Variants in POLRMT observed in about 807,000 individuals in gnomAD.
POLRMT encodes the protein RNA polymerase mitochondrial.
Under a neutral mutation model 132.2 loss-of-function variants are expected in POLRMT, and 114 were observed. The ratio of observed to expected loss-of-function variants is 0.86; its 90% CI spans 0.74 to 1.01. The LOEUF (loss-of-function observed/expected upper bound fraction) is 1.01. POLRMT is among the 50% of genes least tolerant of loss of function. The probability of loss-of-function intolerance (pLI) is 0.00; values close to 1 mark genes in which losing one functional copy is unlikely to be tolerated. For missense variants in POLRMT, 2,003 were observed against 1,729.1 expected (o/e 1.16, Z -2.81); for synonymous variants, 1,020 against 773.4 (o/e 1.32, Z -5.29).
intron 10 of POLRMT, 120 bp downstream of exon 10, chr19:620,938 A>AGGGCGCC: frequency 4.9e-6 from 1 of 204,942 alleles, no homozygotes; most frequent in South Asian, 5.0e-5. Context: ...GCGCCAGGGG[A>AGGGCGCC]GGGGGAGGGG....
chr19:627,147 CAT>C (rs1491197179), intron 3 of POLRMT, among the ~76,000 whole-genome samples: 1 of 131,242 alleles, frequency 7.6e-6, no homozygotes, highest in Non-Finnish European at 1.6e-5. Flanking sequence ...AGTTTTGGGG[CAT>C]TTTTTTTTTT....
intron 9 of POLRMT, 113 bp from the exon 10 acceptor site, chr19:621,959 G>T: frequency 2.2e-6 from 3 of 1,340,880 alleles, no homozygotes; most frequent in Middle Eastern, 2.2e-4. Context: ...AACCAGTGTG[G>T]CCTCCCACGA....
rs1568372581 is a variant in POLRMT, at chr19:617,447, C to T, written c.3615G>A (p.Lys1205=). Residue 1205 remains lysine (K), a synonymous_variant, in exon 20 of 21, where the codon AAG becomes AAA. Transcript: ENST00000588649. The stretch of plus-strand genomic sequence containing the variant: ...GCTTGGGCACCGCCTGCAGTGTCTC[C>T]TTCAGCTGGCTGGCCTCCAAGATCT... ...PQKILEASQL[K]ETLQAVPKPG... is the part of the protein sequence containing the mutation. The T allele has an allele frequency of 1.2e-6, 2 of 1,611,516 alleles. No individual in the cohort carries two copies. The highest frequency in any genetic ancestry group is 1.7e-6 in the Non-Finnish European group (2 of 1,179,572).
At chr19:627,452 G>A (rs561864426) in intron 3 of POLRMT, among the ~76,000 whole-genome samples, 1 of 151,564 alleles carries the variant, frequency 6.6e-6, no homozygotes, top group South Asian at 2.1e-4. Flanking sequence ...GTGCCCGGCC[G>A]GTTTTGGGGC....
Position 622,612 on chromosome 19 carries a change from C to G in POLRMT, c.1596G>C (p.Lys532Asn), listed in dbSNP as rs1306460417. Residue 532 changes from lysine (K) to asparagine (N), a missense_variant, in exon 8 of 21, where the codon AAG becomes AAC. Transcript: ENST00000588649. Reference sequence around the variant, plus strand: ...CGTCGGAGGCCAGCAAGCAGAGGTACTTCCTGTAGTGGTTCTGCAGCGCCT... The same window carrying G: ...CGTCGGAGGCCAGCAAGCAGAGGTAGTTCCTGTAGTGGTTCTGCAGCGCCT... Reference protein sequence around the residue: ...QVQALQNHYRKYLCLLASDAE... With the variant: ...QVQALQNHYRNYLCLLASDAE... 1.9e-6 allele frequency: 3 copies of G among 1,606,958 alleles called. No homozygotes were observed. The highest frequency in any genetic ancestry group is 1.3e-5 in the African/African-American group (1 of 74,816).
At chr19:617,884 A>C in intron 17 of POLRMT, 35 bp from the exon 18 acceptor site, 1 of 1,600,446 alleles carries the variant, frequency 6.2e-7, no homozygotes, top group Non-Finnish European at 8.6e-7. Context: ...AAGGGAGGGG[A>C]GCTCACAGGG....
At position 619,631 on chromosome 19, in the gene POLRMT, G is replaced by T. The variant is rs772467131; in HGVS notation, c.3021C>A (p.Arg1007=). 6.2e-7 allele frequency: 1 copy of T among 1,610,690 alleles called. No individual in the cohort carries two copies. The highest frequency in any genetic ancestry group is 8.5e-7 in the Non-Finnish European group (1 of 1,179,654). ...CCCGGAGGCGCTTCTCAATCTGCAGGCGCCCGCCATAGCGCGTGACCCCGT... is the reference window on the plus strand; with the variant it reads ...CCCGGAGGCGCTTCTCAATCTGCAGTCGCCCGCCATAGCGCGTGACCCCGT... ...VVYGVTRYGG[R]LQIEKRLREL... is the part of the protein sequence containing the mutation. The change falls in exon 13 of 21, where the codon CGC becomes CGA. Residue 1007 remains arginine, a synonymous_variant. Transcript: ENST00000588649.
chr19:633,499 C>G lies in POLRMT; in HGVS notation c.14G>C (p.Cys5Ser). ...GAGCCCCGCCGCTCCGCGGCCCCAG[C>G]AAAGTGCCGACATTACGCACGCCGC... is the stretch of plus-strand genomic sequence containing the variant. MSAL[C>S]WGRGAAGLKR... Residue 5 changes from cysteine to serine, a missense_variant, in exon 1 of 21, where the codon TGC (cysteine) becomes TCC (serine). Cys to Ser is a moderately radical substitution (Grantham distance 112, BLOSUM62 -1). Coordinates refer to ENST00000588649, the MANE Select transcript of POLRMT (RefSeq NM_005035.4). The G allele has an allele frequency of 6.4e-7, 1 of 1,551,764 alleles. No individual in the cohort carries two copies. Among genetic ancestry groups the G allele is most frequent in the Non-Finnish European group, 8.7e-7 (1 of 1,152,602 alleles).
rs1568373241 is a variant in POLRMT at position 617,804 on chromosome 19, G to GT, written c.3467dup (p.His1156GlnfsTer4). On this transcript the variant is annotated frameshift_variant, in exon 18 of 21. Coordinates refer to ENST00000588649, the MANE Select transcript of POLRMT (RefSeq NM_005035.4). LOFTEE classifies it high-confidence loss of function. ...GGTTCATGACGGAGACATCAGCTGC[G>GT]TGAGTCCAGTAACAGTCGTGCACAG... The GT allele has an allele frequency of 6.2e-7, 1 of 1,613,238 alleles. No individual in the cohort carries two copies. Among genetic ancestry groups the GT allele is most frequent in the Non-Finnish European group, 8.5e-7 (1 of 1,179,928 alleles).
chr19:620,172 GCCGTGCACCCC>G, intron 11 of POLRMT, 92 bp from the exon 12 acceptor site: 1 of 1,502,300 alleles, frequency 6.7e-7, no homozygotes, highest in Non-Finnish European at 8.9e-7. Flanking sequence ...CGTTCCTAGG[GCCGTGCACCCC>G]CCAGCCAAGT....
rs758335818 is a variant in POLRMT at position 621,797 on chromosome 19, G to A, written c.1901C>T (p.Ala634Val). ...HPAYVQLLEK[A>V]AEPTLTFEAV... ...CTCGAAGGTCAGCGTGGGCTCCGCG[G>A]CCTTCTCCAGCAGCTGCACGTAGGC... Residue 634 changes from alanine to valine, a missense_variant, in exon 10 of 21, where the codon GCC becomes GTC. Ala to Val is a moderately conservative substitution (Grantham distance 64). Coordinates refer to ENST00000588649, the MANE Select transcript of POLRMT (RefSeq NM_005035.4). The A allele has an allele frequency of 1.2e-6, 2 of 1,602,376 alleles. No homozygotes were observed. The highest frequency in any genetic ancestry group is 2.2e-5 in the South Asian group (2 of 91,080).
rs138948159 is a variant in POLRMT, at chr19:625,237, C to G, written c.840G>C (p.Leu280=). 1 of 1,614,008 alleles carries G rather than the reference C, an allele frequency of 6.2e-7. No homozygotes were observed. Among genetic ancestry groups the G allele is most frequent in the Non-Finnish European group, 8.5e-7 (1 of 1,179,948 alleles). ...GWARQGAFKE[L]VYVLFMVKDA... Reference sequence around the variant, plus strand: ...CCTTCACCATGAATAACACATATACCAGCTCCTTGAAGGCACCCTGGGAGA... The same window carrying G: ...CCTTCACCATGAATAACACATATACGAGCTCCTTGAAGGCACCCTGGGAGA... The change falls in exon 4 of 21, where the codon CTG becomes CTC. Residue 280 remains leucine, a synonymous_variant. Transcript: ENST00000588649.
rs755236008 is a variant in POLRMT at position 625,235 on chromosome 19, A to G, written c.842T>C (p.Val281Ala). 1.2e-6 allele frequency: 2 copies of G among 1,613,828 alleles called. No homozygotes were observed. Among genetic ancestry groups the G allele is most frequent in the Admixed American group, 1.7e-5 (1 of 60,006 alleles). The stretch of plus-strand genomic sequence containing the variant: ...ATCCTTCACCATGAATAACACATAT[A>G]CCAGCTCCTTGAAGGCACCCTGGGA... ...WARQGAFKEL[V>A]YVLFMVKDAG... The change falls in exon 4 of 21, where the codon GTA becomes GCA. Residue 281 changes from valine (V) to alanine (A), a missense_variant. By Grantham distance (64) the Val-to-Ala change is moderately conservative. Coordinates refer to ENST00000588649, the MANE Select transcript of POLRMT (RefSeq NM_005035.4).
At chr19:619,172 AG>A (rs1568375438) in intron 14 of POLRMT, 37 bp downstream of exon 14, 4 of 1,610,032 alleles carry the variant, frequency 2.5e-6, no homozygotes, top group Non-Finnish European at 3.4e-6. Context: ...CCACTTGCTT[AG>A]GGAGTCCTGG....
intron 5 of POLRMT, among the ~76,000 whole-genome samples, chr19:623,959 GATGA>G (rs1328636832): frequency 6.6e-6 from 1 of 152,218 alleles, no homozygotes; most frequent in Non-Finnish European, 1.5e-5. Flanking sequence ...TCCAGAAATA[GATGA>G]ATTAAAAATA....
chr19:624,341 G>C (rs1374086387), intron 5 of POLRMT, among the ~76,000 whole-genome samples: 1 of 151,850 alleles, frequency 6.6e-6, no homozygotes, highest in African/African-American at 2.4e-5. Context: ...GAACATTCTA[G>C]AATTAGACAA....
At position 618,602 on chromosome 19, in the gene POLRMT, G is replaced by C; in HGVS notation, c.3324-16C>G. 6.2e-7 allele frequency: 1 copy of C among 1,606,502 alleles called. No individual in the cohort carries two copies. Among genetic ancestry groups the C allele is most frequent in the Non-Finnish European group, 8.5e-7 (1 of 1,174,068 alleles). ...GTTGGGCTTTCTGAGGACGGAACAG[G>C]TGCCGGTGGGGGCGGCCCAGGGACA... On this transcript the variant is annotated splice_polypyrimidine_tract_variant and intron_variant, in intron 16 of 20. Coordinates refer to ENST00000588649, the MANE Select transcript of POLRMT (RefSeq NM_005035.4).
rs779336511 is a variant in POLRMT, at chr19:620,482, T to A, written c.2646A>T (p.Arg882=). The change falls in exon 11 of 21, where the codon CGA becomes CGT. Residue 882 remains arginine (R), a synonymous_variant. Transcript: ENST00000588649. ...LDSADQPLTG[R]KWWMGAEEPW... is the part of the protein sequence containing the mutation. ...GTTCCTCCGCGCCCATCCACCACTT[T>A]CGGCCCTGCGGGGACAGCGGATGGG... 8 of 1,588,952 alleles carry A rather than the reference T, an allele frequency of 5.0e-6. No individual in the cohort carries two copies. The highest frequency in any genetic ancestry group is 6.9e-6 in the Non-Finnish European group (8 of 1,166,490).
intron 4 of POLRMT, 95 bp downstream of exon 4, chr19:625,029 T>C (rs1057182719): frequency 2.6e-6 from 4 of 1,523,210 alleles, no homozygotes; most frequent in Non-Finnish European, 2.6e-6. Flanking sequence ...TCAGGCCCTC[T>C]GGGGGTCCCC....
Sources: gnomAD v4.1 joint callset for allele counts (sites outside exome capture counted in the v4.1 genomes callset) on GRCh38, gnomAD v4.1.1 for gene constraint, MANE v1.5 for transcripts, NCBI Gene and HGNC (gene_info 2026-07-23, HGNC 2026-07-21) for gene names.